FRMD3: variants seen among roughly 807,000 people sequenced by gnomAD.
FRMD3 encodes FERM domain containing 3.
In FRMD3, 33 loss-of-function variants were observed where a neutral mutation model predicts 70.2. That is an observed-to-expected ratio of 0.47 (90% CI 0.36 to 0.63). The LOEUF is 0.63. Ranked by LOEUF, FRMD3 falls within the 20% of genes least tolerant of loss-of-function variation. The probability of loss-of-function intolerance (pLI) is 0.00; values close to 1 mark genes in which losing one functional copy is unlikely to be tolerated. For synonymous variants in FRMD3, 279 were observed against 255.9 expected, an observed-to-expected ratio of 1.09 and a Z score of -0.86; for missense variants, 632 against 711.4, an observed-to-expected ratio of 0.89 and a Z score of 1.27.
the FRMD3 span, among the ~76,000 whole-genome samples, chr9:83,548,543 T>TA: frequency 6.6e-6 from 1 of 152,246 alleles, no homozygotes; most frequent in African/African-American, 2.4e-5. Flanking sequence ...CAAACAGCAG[T>TA]AAAAAGATTA....
intron 1 of FRMD3, among the ~76,000 whole-genome samples, chr9:83,483,027 T>G (rs2131481716): frequency 6.6e-6 from 1 of 152,266 alleles, no homozygotes; most frequent in East Asian, 1.9e-4. Context: ...TTCTGGGGTG[T>G]GGGTTTGGAG....
chr9:83,402,117 C>A (rs1825966052), intron 1 of FRMD3, among the ~76,000 whole-genome samples: 1 of 151,410 alleles, frequency 6.6e-6, no homozygotes, highest in African/African-American at 2.4e-5. Flanking sequence ...TTGCTTGTGG[C>A]TCATATTTTT....
intron 1 of FRMD3, among the ~76,000 whole-genome samples, chr9:83,395,520 C>T (rs1018384297): frequency 6.6e-6 from 1 of 152,052 alleles, no homozygotes; most frequent in Non-Finnish European, 1.5e-5. Context: ...GTCTGTTGTT[C>T]CCCTCTTTGT....
At chr9:83,497,066 A>T (rs1828959648) in intron 1 of FRMD3, among the ~76,000 whole-genome samples, 1 of 152,190 alleles carries the variant, frequency 6.6e-6, no homozygotes, top group South Asian at 2.1e-4. Flanking sequence ...GTGAACCAAG[A>T]TTGTACCATT....
chr9:83,395,859 T>A (rs932064161), intron 1 of FRMD3, among the ~76,000 whole-genome samples: 1 of 151,874 alleles, frequency 6.6e-6, no homozygotes, highest in Non-Finnish European at 1.5e-5. Context: ...ATTGGTTAAG[T>A]GGAAAAAACA....
At chr9:83,332,745 C>T (rs1452608643) in intron 6 of FRMD3, among the ~76,000 whole-genome samples, 1 of 152,128 alleles carries the variant, frequency 6.6e-6, no homozygotes, top group Non-Finnish European at 1.5e-5. Flanking sequence ...TTATTGGGTC[C>T]CTCAAACCCC....
intron 1 of FRMD3, among the ~76,000 whole-genome samples, chr9:83,535,803 G>C (rs1056619782): frequency 6.6e-6 from 1 of 152,298 alleles, no homozygotes; most frequent in African/African-American, 2.4e-5. Flanking sequence ...GCTATGGAGA[G>C]AGGGTGACAT....
intron 1 of FRMD3, among the ~76,000 whole-genome samples, chr9:83,476,331 C>T (rs992704907): frequency 6.6e-6 from 1 of 150,566 alleles, no homozygotes; most frequent in Admixed American, 6.6e-5. Context: ...TTGCAGTGAG[C>T]CAAGATCACT....
intron 13 of FRMD3, among the ~76,000 whole-genome samples, chr9:83,265,899 T>C (rs1218348477): frequency 3.3e-5 from 5 of 152,204 alleles, no homozygotes; most frequent in African/African-American, 9.7e-5. Flanking sequence ...GAAATGCCTC[T>C]GTATACATAT....
intron 5 of FRMD3, among the ~76,000 whole-genome samples, chr9:83,341,692 T>C (rs971944303): frequency 2.6e-5 from 4 of 152,038 alleles, no homozygotes; most frequent in African/African-American, 9.7e-5. Flanking sequence ...GTATCAACCA[T>C]AGTGCTTTAA....
Position 83,409,016 on chromosome 9 carries a change from G to A in FRMD3, c.148-19308C>T, listed in dbSNP as rs17086227. Among the ~76,000 whole-genome samples the A allele has an allele frequency of 1.1e-4, 17 of 152,296 alleles. No individual in the cohort carries two copies. The East Asian group carries it at 3.1e-3, about 28-fold the overall frequency. On this transcript the variant is annotated intron_variant, in intron 1 of 13. Transcript: ENST00000304195. ...AGTCTACCCAGGCAGCTCAAAGAAT[G>A]CTGCGATAAATTACATACACCTCTC...
chr9:83,539,223 A>G (rs1829967877), upstream of FRMD3, among the ~76,000 whole-genome samples: 1 of 152,144 alleles, frequency 6.6e-6, no homozygotes, highest in East Asian at 1.9e-4. Context: ...TTTTAGTCCA[A>G]TCTCTGGGTA....
chr9:83,446,988 T>TTTTTG (rs141194581), intron 1 of FRMD3, among the ~76,000 whole-genome samples: 14,075 of 146,716 alleles, frequency 0.096, 772 homozygotes, highest in East Asian at 0.17. Flanking sequence ...CAGATCAGGG[T>TTTTTG]TTTTGTTTTG....
chr9:83,476,992 G>C (rs1437288359), intron 1 of FRMD3, among the ~76,000 whole-genome samples: 1 of 152,138 alleles, frequency 6.6e-6, no homozygotes, highest in Admixed American at 6.5e-5. Context: ...TACCTAACTA[G>C]CACAGTATCT....
At chr9:83,273,018 C>T (rs1833654615) in intron 13 of FRMD3, among the ~76,000 whole-genome samples, 1 of 138,938 alleles carries the variant, frequency 7.2e-6, no homozygotes, top group African/African-American at 2.8e-5. Flanking sequence ...TGGGGGGCAG[C>T]CCCCACCCAG....
chr9:83,535,755 C>T (rs1829879011), intron 1 of FRMD3, among the ~76,000 whole-genome samples: 1 of 152,068 alleles, frequency 6.6e-6, no homozygotes. Flanking sequence ...AGGCAGACAC[C>T]AGGGATGAGA....
At chr9:83,420,244 A>G (rs1036403050) in intron 1 of FRMD3, among the ~76,000 whole-genome samples, 1 of 152,218 alleles carries the variant, frequency 6.6e-6, no homozygotes, top group African/African-American at 2.4e-5. Flanking sequence ...AAGTGAGTGA[A>G]GAAGAGAATA....
chr9:83,298,637 T>G, intron 12 of FRMD3, 111 bp downstream of exon 12: 8 of 802,438 alleles, frequency 1.0e-5, no homozygotes, highest in Non-Finnish European at 1.7e-5. Context: ...TCTAAGGAAG[T>G]GAGAATGTCC....
chr9:83,391,402 C>G lies in FRMD3; in HGVS notation c.148-1694G>C, dbSNP rs372632835. 6.6e-5 allele frequency among the ~76,000 whole-genome samples: 10 copies of G among 152,188 alleles called. No individual in the cohort carries two copies. In the East Asian group the frequency reaches 1.7e-3, roughly 26 times the overall value. On this transcript the variant is annotated intron_variant, in intron 1 of 13. Transcript: ENST00000304195. ...ATCTTTAAAAGGTTGCAGCATTATC[C>G]CCTCACCAAACATAACATAGGAGCT...
Sources: allele counts gnomAD v4.1 joint callset (sites outside exome capture counted in the v4.1 genomes callset), GRCh38; gene constraint gnomAD v4.1.1; transcripts MANE v1.5; gene names NCBI Gene and HGNC (gene_info 2026-07-23, HGNC 2026-07-21).